The following SQSTM1 variants were observed in gnomAD, a reference collection of about 807,000 sequenced individuals.
SQSTM1 encodes sequestosome-1.
In SQSTM1, 36 loss-of-function variants were observed where a neutral mutation model predicts 45.1. The ratio of observed to expected loss-of-function variants is 0.80; its 90% confidence interval spans 0.61 to 1.05. The LOEUF (loss-of-function observed/expected upper bound fraction) is 1.05. SQSTM1 is among the 50% of genes least tolerant of loss of function. SQSTM1 has a pLI of 0.00. For missense variants in SQSTM1, 617 were observed against 607.1 expected (o/e 1.02, Z -0.17); for synonymous variants, 290 against 244.3 (o/e 1.19, Z -1.74).
intron 6 of SQSTM1, 93 bp from the exon 7 acceptor site, chr5:179,833,494 G>C (rs155787): frequency 2.9e-6 from 4 of 1,369,500 alleles, no homozygotes; most frequent in South Asian, 2.4e-5. Context: ...GTGTGCATGC[G>C]TGCTCCCCGA....
Position 179,825,149 on chromosome 5 carries a change from C to G in SQSTM1, c.677C>G (p.Ser226Cys). 6.2e-7 allele frequency: 1 copy of G among 1,614,046 alleles called. No individual in the cohort carries two copies. The highest frequency in any genetic ancestry group is 8.5e-7 in the Non-Finnish European group (1 of 1,179,984). ...ARPGPTAESASGPSEDPSVNF... is the reference protein window; with the variant it reads ...ARPGPTAESACGPSEDPSVNF... ...CTTATCTTTGTAAAAATCAAAGCTT[C>G]TGGTCCATCGGAGGATCCGAGTGTG... The change falls in exon 5 of 8, where the codon TCT (serine) becomes TGT (cysteine). Residue 226 changes from serine to cysteine, a missense_variant. Coordinates refer to ENST00000389805, the MANE Select transcript of SQSTM1 (RefSeq NM_003900.5).
upstream of SQSTM1, among the ~76,000 whole-genome samples, chr5:179,819,766 T>C (rs774761018): frequency 1.9e-4 from 29 of 152,092 alleles, no homozygotes; most frequent in Non-Finnish European, 2.9e-5. Context: ...CTGGGCAGGG[T>C]GGAAGCCTTG....
chr5:179,833,866 A>T, intron 7 of SQSTM1, 84 bp downstream of exon 7: 2 of 1,374,392 alleles, frequency 1.5e-6, no homozygotes, highest in Non-Finnish European at 2.0e-6. Context: ...CGACACAAAC[A>T]GAAGGATGAG....
chr5:179,820,964 C>T lies in SQSTM1; in HGVS notation c.28C>T (p.Leu10Phe), dbSNP rs771845079. The change falls in exon 1 of 8, where the codon CTT becomes TTT. Residue 10 changes from leucine (L) to phenylalanine (F), a missense_variant. By Grantham distance (22) the Leu-to-Phe change is conservative. Coordinates refer to ENST00000389805, the MANE Select transcript of SQSTM1 (RefSeq NM_003900.5). ...GGCGTCGCTCACCGTGAAGGCCTAC[C>T]TTCTGGGCAAGGAGGACGCGGCGCG... MASLTVKAY[L>F]LGKEDAAREI... 8 of 1,574,398 alleles carry T rather than the reference C, an allele frequency of 5.1e-6. No homozygotes were observed. Among genetic ancestry groups the T allele is most frequent in the Non-Finnish European group, 6.8e-6 (8 of 1,168,844 alleles).
Position 179,837,042 on chromosome 5 carries a change from G to A in SQSTM1, c.*449G>A. The A allele has an allele frequency of 1.5e-6, 1 of 651,756 alleles. No individual in the cohort carries two copies. The highest frequency in any genetic ancestry group is 2.7e-6 in the Non-Finnish European group (1 of 369,778). 40.4% of individuals were successfully genotyped at this position (651,756 alleles called of 1,614,324 possible). ...CTAGGTGTTGTCAGCAGGCAGGCTG[G>A]GGAGGCCAGTGTTGTGGGCTTCCTG... On this transcript the variant is annotated 3_prime_UTR_variant, in exon 8 of 8. Coordinates refer to ENST00000389805, the MANE Select transcript of SQSTM1 (RefSeq NM_003900.5).
chr5:179,823,846 C>G lies in SQSTM1; in HGVS notation c.302-12C>G. On this transcript the variant is annotated splice_polypyrimidine_tract_variant and intron_variant, in intron 2 of 7. Coordinates refer to ENST00000389805, the MANE Select transcript of SQSTM1 (RefSeq NM_003900.5). ...GGTCCCACCCTAGCGGCTCTCTTTACCCTTCCTGTAGAGAAAAAAGAGTGC... is the reference window on the plus strand; with the variant it reads ...GGTCCCACCCTAGCGGCTCTCTTTAGCCTTCCTGTAGAGAAAAAAGAGTGC... 3 of 1,610,056 alleles carry G rather than the reference C, an allele frequency of 1.9e-6. No homozygotes were observed. The highest frequency in any genetic ancestry group is 1.7e-6 in the Non-Finnish European group (2 of 1,179,710).
At position 179,836,206 on chromosome 5, in the gene SQSTM1, A is replaced by G. The variant is rs1758546046; in HGVS notation, c.1166-230A>G. 4.9e-6 allele frequency: 3 copies of G among 611,924 alleles called. No individual in the cohort carries two copies. In the South Asian group the frequency reaches 5.7e-5, roughly 12 times the overall value. 37.9% of individuals were successfully genotyped at this position (611,924 alleles called of 1,614,324 possible). A position where few individuals can be genotyped will look rare whatever the true frequency, so the allele number is the denominator to read the frequency against. On this transcript the variant is annotated intron_variant, in intron 7 of 7. Coordinates refer to ENST00000389805, the MANE Select transcript of SQSTM1 (RefSeq NM_003900.5). ...AGTGTCCATTGATGGTTCTGCTTAC[A>G]CACCACCTGGCTGCCTGGTGTCGCA...
rs10464092 is a variant in SQSTM1, at chr5:179,823,093, C to T, written c.301+40C>T. The stretch of plus-strand genomic sequence containing the variant: ...TGGGGGCTGCCTGAAGCCAGCTCAG[C>T]TTGTACTCAGTTCCCTGCTGAGTAA... On this transcript the variant is annotated intron_variant, in intron 2 of 7. Coordinates refer to ENST00000389805, the MANE Select transcript of SQSTM1 (RefSeq NM_003900.5). 5.4e-3 allele frequency: 8,508 copies of T among 1,574,654 alleles called. 326 individuals carry two copies. In the Admixed American group the frequency reaches 0.089, roughly 17 times the overall value.
At chr5:179,819,856 C>T (rs959649046), upstream of SQSTM1, among the ~76,000 whole-genome samples, 6 of 152,220 alleles carry the variant, frequency 3.9e-5, no homozygotes, top group Admixed American at 3.9e-4. Flanking sequence ...ACATCACCTT[C>T]GCACCTGACT....
chr5:179,810,357 G>C lies in SQSTM1; in HGVS notation c.-156-1217G>C, dbSNP rs940253272. 1.2e-4 allele frequency among the ~76,000 whole-genome samples: 19 copies of C among 152,144 alleles called. No homozygotes were observed. In the East Asian group the frequency reaches 3.3e-3, roughly 26 times the overall value. On this transcript the variant is annotated intron_variant, in intron 1 of 5. Transcript: ENST00000514093. ...TTGTTCAATTCCCACCTATGAGTGA[G>C]AACATGCGGTGTTTGGTTTTCTGTC... is the stretch of plus-strand genomic sequence containing the variant.
In SQSTM1 at chr5:179,837,581, G is replaced by A; in HGVS notation, c.*988G>A. On this transcript the variant is annotated 3_prime_UTR_variant, in exon 8 of 8. Coordinates refer to ENST00000389805, the MANE Select transcript of SQSTM1 (RefSeq NM_003900.5). ...TGTGGCCCGAGGAAGCTGGACAGCG[G>A]CAGTGGGCCTGCTGAGGCCTTCTCT... The A allele has an allele frequency of 6.2e-7, 1 of 1,614,250 alleles. No homozygotes were observed. The highest frequency in any genetic ancestry group is 8.5e-7 in the Non-Finnish European group (1 of 1,180,046).
intron 2 of SQSTM1, chr5:179,811,902 TCA>T (rs1757424188): frequency 6.6e-6 from 1 of 152,194 alleles, no homozygotes; most frequent in Non-Finnish European, 1.5e-5. Flanking sequence ...CCTCCCGGGT[TCA>T]CACCATTCTC....
chr5:179,813,005 A>AC, intron 2 of SQSTM1: 1 of 143,252 alleles, frequency 7.0e-6, no homozygotes, highest in African/African-American at 2.5e-5. Flanking sequence ...CCCAAAAAAA[A>AC]AAGAAAAGAA....
intron 1 of SQSTM1, among the ~76,000 whole-genome samples, chr5:179,822,038 A>G (rs1307145708): frequency 6.6e-6 from 1 of 152,210 alleles, no homozygotes; most frequent in Non-Finnish European, 1.5e-5. Context: ...CTATTTTCAT[A>G]GGTTTGTGGA....
Position 179,837,188 on chromosome 5 carries a change from ATC to A in SQSTM1, c.*599_*600del. The A allele has an allele frequency of 1.3e-6, 2 of 1,534,578 alleles. No homozygotes were observed. The highest frequency in any genetic ancestry group is 1.8e-6 in the Non-Finnish European group (2 of 1,139,694). On this transcript the variant is annotated 3_prime_UTR_variant, in exon 8 of 8. Coordinates refer to ENST00000389805, the MANE Select transcript of SQSTM1 (RefSeq NM_003900.5). ...AACCATCAGCTGCTTTTAAAATAAG[ATC>A]TCTTTGTAGCCATCCTGTTAAATTT...
chr5:179,829,013 T>G, intron 5 of SQSTM1, among the ~76,000 whole-genome samples: 2 of 149,054 alleles, frequency 1.3e-5, no homozygotes, highest in African/African-American at 2.5e-5. Flanking sequence ...GAGGTGGGAG[T>G]GATCGGGGGA....
chr5:179,810,443 A>G (rs535333001), intron 1 of SQSTM1, among the ~76,000 whole-genome samples: 1 of 152,116 alleles, frequency 6.6e-6, no homozygotes, highest in East Asian at 1.9e-4. Flanking sequence ...AAGGACATGA[A>G]CTCATTCTTT....
At chr5:179,825,356 C>A (rs1757949126) in intron 5 of SQSTM1, 130 bp downstream of exon 5, 2 of 852,232 alleles carry the variant, frequency 2.3e-6, no homozygotes, top group Non-Finnish European at 3.9e-6. Flanking sequence ...TGCCTCAAAT[C>A]AACCTTTAGT....
At position 179,836,653 on chromosome 5, in the gene SQSTM1, C is replaced by T. The variant is rs369609665; in HGVS notation, c.*60C>T. 27 of 1,611,426 alleles carry T rather than the reference C, an allele frequency of 1.7e-5. No homozygotes were observed. The highest frequency in any genetic ancestry group is 4.4e-5 in the South Asian group (4 of 91,046). ...CTGTCTCATAGTTGTGTTAAGCTTG[C>T]GTAGAATTGCAGGTCTCTGTACGGG... On this transcript the variant is annotated 3_prime_UTR_variant, in exon 8 of 8. Coordinates refer to ENST00000389805, the MANE Select transcript of SQSTM1 (RefSeq NM_003900.5).
Sources: gnomAD v4.1 joint callset for allele counts (sites outside exome capture counted in the v4.1 genomes callset) on GRCh38, gnomAD v4.1.1 for gene constraint, MANE v1.5 for transcripts, NCBI Gene and HGNC (gene_info 2026-07-23, HGNC 2026-07-21) for gene names.